TECPR2: variants seen among roughly 807,000 people sequenced by gnomAD.
TECPR2 encodes tectonin beta-propeller repeat-containing protein 2.
A neutral mutation model predicts 138.1 loss-of-function variants in TECPR2; 65 were observed. The observed-to-expected ratio is 0.47, with a 90% CI of 0.39 to 0.58. TECPR2 has a LOEUF of 0.58. Ranked by LOEUF, TECPR2 falls within the 20% of genes least tolerant of loss-of-function variation. The pLI is 0.00. For missense variants in TECPR2, 1,553 were observed against 1,824.5 expected, an observed-to-expected ratio of 0.85 and a Z score of 2.71; for synonymous variants, 746 against 749.8, an observed-to-expected ratio of 0.99 and a Z score of 0.08.
intron 17 of TECPR2, among the ~76,000 whole-genome samples, chr14:102,491,831 T>C (rs1891166676): frequency 6.6e-6 from 1 of 152,140 alleles, no homozygotes; most frequent in Non-Finnish European, 1.5e-5. Flanking sequence ...CCCTCCCCAG[T>C]AGGATGGCAG....
At chr14:102,477,585 C>T (rs538808007) in intron 17 of TECPR2, among the ~76,000 whole-genome samples, 1 of 142,614 alleles carries the variant, frequency 7.0e-6, no homozygotes, top group African/African-American at 2.6e-5. Context: ...GAATCTTGCT[C>T]TGTAGCCCAG....
chr14:102,459,562 G>A (rs914852509), intron 16 of TECPR2, among the ~76,000 whole-genome samples: 9 of 152,130 alleles, frequency 5.9e-5, no homozygotes, highest in Non-Finnish European at 1.0e-4. Context: ...CGTAGATCAC[G>A]AGATCAAGAC....
At chr14:102,457,339 C>T (rs1890299643) in intron 16 of TECPR2, among the ~76,000 whole-genome samples, 1 of 152,132 alleles carries the variant, frequency 6.6e-6, no homozygotes, top group Admixed American at 6.6e-5. Context: ...CCCGTCTTGG[C>T]CTCCCAAAGT....
At chr14:102,379,188 G>C (rs999247606) in intron 2 of TECPR2, among the ~76,000 whole-genome samples, 9 of 151,766 alleles carry the variant, frequency 5.9e-5, no homozygotes, top group Non-Finnish European at 1.0e-4. Flanking sequence ...CACTGCTAAA[G>C]ATCACAATCT....
chr14:102,427,372 G>A (rs1889351072), intron 6 of TECPR2, among the ~76,000 whole-genome samples: 2 of 152,136 alleles, frequency 1.3e-5, no homozygotes, highest in South Asian at 2.1e-4. Flanking sequence ...TGGAGACAGG[G>A]GACCGTCTGG....
At position 102,443,596 on chromosome 14, in the gene TECPR2, T is replaced by G. The variant is rs1310347789; in HGVS notation, c.2753-51T>G. 5 of 1,410,214 alleles carry G rather than the reference T, an allele frequency of 3.5e-6. No homozygotes were observed. The East Asian group carries it at 1.0e-4, about 28-fold the overall frequency. 87.4% of individuals were successfully genotyped at this position (1,410,214 alleles called of 1,614,324 possible). On this transcript the variant is annotated intron_variant, in intron 11 of 19. Transcript: ENST00000359520. This position sits in a 1 kb window ranked among gnomAD's most constrained non-coding sequence, Gnocchi z 4.9. ...AGCCAATAACCAAGTCAAAATGAGGTGTGGAGTTCTGACTGTGTGTCTTTG... is the reference window on the plus strand; with the variant it reads ...AGCCAATAACCAAGTCAAAATGAGGGGTGGAGTTCTGACTGTGTGTCTTTG...
At chr14:102,495,042 G>C (rs532839483) in intron 17 of TECPR2, among the ~76,000 whole-genome samples, 33 of 152,200 alleles carry the variant, frequency 2.2e-4, no homozygotes, top group African/African-American at 7.7e-4. Context: ...GTGAAACCCA[G>C]TGTCTACAAC....
At position 102,498,448 on chromosome 14, in the gene TECPR2, T is replaced by A; in HGVS notation, c.*191T>A. The A allele has an allele frequency of 1.3e-6, 1 of 754,070 alleles. No homozygotes were observed. The highest frequency in any genetic ancestry group is 2.1e-6 in the Non-Finnish European group (1 of 479,108). The allele number at this position is 754,070 out of a possible 1,614,324, so 46.7% of individuals were successfully genotyped here. On this transcript the variant is annotated 3_prime_UTR_variant, in exon 20 of 20. Transcript: ENST00000359520. ...AGAACCCACAGCCTCCACCCGTGGC[T>A]GGCGTGATTGCTGCAGCAGTGGCGC...
chr14:102,423,428 ACT>A (rs1567334176), intron 5 of TECPR2, among the ~76,000 whole-genome samples: 1 of 151,030 alleles, frequency 6.6e-6, no homozygotes. Context: ...CAAGAGCAAA[ACT>A]CTGTCTCAAA....
In TECPR2 at chr14:102,376,812, T is replaced by C; in HGVS notation, c.91T>C (p.Phe31Leu). ...CATTCCGACAAAGATCCAGAAGGGT[T>C]TCCGCTCTATCGTGGTCTATCTCAC... ...NAIPTKIQKGFRSIVVYLTAL... is the reference protein window; with the variant it reads ...NAIPTKIQKGLRSIVVYLTAL... The change falls in exon 2 of 20, where the codon TTC becomes CTC. Residue 31 changes from phenylalanine to leucine, a missense_variant. Coordinates refer to ENST00000359520, the MANE Select transcript of TECPR2 (RefSeq NM_014844.5). The C allele has an allele frequency of 6.2e-7, 1 of 1,614,218 alleles. No individual in the cohort carries two copies. Among genetic ancestry groups the C allele is most frequent in the Non-Finnish European group, 8.5e-7 (1 of 1,180,042 alleles).
intron 2 of TECPR2, among the ~76,000 whole-genome samples, chr14:102,379,346 C>T (rs1454376976): frequency 6.6e-6 from 1 of 151,388 alleles, no homozygotes; most frequent in Non-Finnish European, 1.5e-5. Context: ...CTAAAGATCG[C>T]TGTCTTAAAA....
intron 2 of TECPR2, among the ~76,000 whole-genome samples, chr14:102,387,059 A>G (rs1472068338): frequency 6.6e-6 from 1 of 152,220 alleles, no homozygotes; most frequent in East Asian, 1.9e-4. Flanking sequence ...TTAAAGATGC[A>G]TTAACTAGTT....
intron 2 of TECPR2, among the ~76,000 whole-genome samples, chr14:102,398,559 G>C (rs1455879567): frequency 2.0e-5 from 3 of 152,052 alleles, no homozygotes; most frequent in African/African-American, 7.2e-5. Flanking sequence ...ACTCCCAAAA[G>C]CGAAAACCAA....
chr14:102,423,196 G>A (rs1231047639), intron 5 of TECPR2, among the ~76,000 whole-genome samples: 1 of 152,168 alleles, frequency 6.6e-6, no homozygotes, highest in Non-Finnish European at 1.5e-5. Flanking sequence ...ACTTTGGGAA[G>A]CCAAGGCAGG....
At chr14:102,397,309 A>G (rs1165714090) in intron 2 of TECPR2, among the ~76,000 whole-genome samples, 2 of 152,222 alleles carry the variant, frequency 1.3e-5, no homozygotes, top group Non-Finnish European at 2.9e-5. Context: ...TCAGTTTTCA[A>G]CAAAACAAAT....
At position 102,499,305 on chromosome 14, in the gene TECPR2, C is replaced by T. The variant is rs572949164; in HGVS notation, c.*1048C>T. Reference sequence around the variant, plus strand: ...CCAGATGCATCCTCAGAGGACGAGTCTACTAATTATTGCCTTTGTTGTTGT... The same window carrying T: ...CCAGATGCATCCTCAGAGGACGAGTTTACTAATTATTGCCTTTGTTGTTGT... On this transcript the variant is annotated 3_prime_UTR_variant, in exon 20 of 20. Coordinates refer to ENST00000359520, the MANE Select transcript of TECPR2 (RefSeq NM_014844.5). The T allele has an allele frequency of 1.2e-4, 75 of 617,642 alleles. No individual in the cohort carries two copies. Among genetic ancestry groups the T allele is most frequent in the South Asian group, 1.2e-3 (65 of 53,800 alleles). The allele number at this position is 617,642 out of a possible 1,614,324, so 38.3% of individuals were successfully genotyped here. A position where few individuals can be genotyped will look rare whatever the true frequency, so the allele number is the denominator to read the frequency against.
intron 2 of TECPR2, among the ~76,000 whole-genome samples, chr14:102,392,155 A>AT (rs200620350): frequency 4.6e-5 from 7 of 151,356 alleles, no homozygotes; most frequent in Non-Finnish European, 1.0e-4. Flanking sequence ...CACCCAGCTG[A>AT]TTTTTTTTGT....
In TECPR2 at chr14:102,498,366, C is replaced by G. The variant is rs559435342; in HGVS notation, c.*109C>G. 1 of 1,369,200 alleles carries G rather than the reference C, an allele frequency of 7.3e-7. No homozygotes were observed. Among genetic ancestry groups the G allele is most frequent in the South Asian group, 1.4e-5 (1 of 69,164 alleles). 84.8% of individuals were successfully genotyped at this position (1,369,200 alleles called of 1,614,324 possible). On this transcript the variant is annotated 3_prime_UTR_variant, in exon 20 of 20. Transcript: ENST00000359520. ...TGCCTCAACACTTGTCCAGACACCT[C>G]TGGCCAGGTTGGACCCGCACACTTA...
chr14:102,462,654 C>A (rs4906203), intron 16 of TECPR2, among the ~76,000 whole-genome samples: 1 of 152,002 alleles, frequency 6.6e-6, no homozygotes, highest in Non-Finnish European at 1.5e-5. Context: ...CCTCCACCTG[C>A]CCCTCTCCAG....
Sources: allele counts gnomAD v4.1 joint callset (sites outside exome capture counted in the v4.1 genomes callset), GRCh38; gene constraint gnomAD v4.1.1; non-coding constraint Gnocchi (gnomAD v3.1); transcripts MANE v1.5; gene names NCBI Gene and HGNC (gene_info 2026-07-23, HGNC 2026-07-21).